Variants in CDK6 observed in about 807,000 individuals in gnomAD.
The protein encoded by CDK6 is cyclin dependent kinase 6.
CDK6 carries 6 observed loss-of-function variants against 37.1 expected under a neutral mutation model. The ratio of observed to expected loss-of-function variants is 0.16; its 90% confidence interval spans 0.09 to 0.32. The LOEUF is 0.32. Ranked by LOEUF, CDK6 falls within the 10% of genes least tolerant of loss-of-function variation. CDK6 has a pLI of 1.00. For synonymous variants in CDK6, 160 were observed against 161.3 expected (o/e 0.99, Z 0.06); for missense variants, 224 against 418.9 (o/e 0.53, Z 4.06).
rs941478042 is a variant in CDK6 at position 92,717,811 on chromosome 7, T to C, written c.537+7815A>G. Reference sequence around the variant, plus strand: ...CGCAAATCCACTTGGTGCAATTAGATAGCCACATGCATGCACATGCACCAA... The same window carrying C: ...CGCAAATCCACTTGGTGCAATTAGACAGCCACATGCATGCACATGCACCAA... On this transcript the variant is annotated intron_variant, in intron 4 of 7. Transcript: ENST00000424848. Among the ~76,000 whole-genome samples the C allele has an allele frequency of 3.9e-5, 6 of 152,324 alleles. No individual in the cohort carries two copies. In the South Asian group the frequency reaches 8.3e-4, roughly 21 times the overall value.
intron 5 of CDK6, among the ~76,000 whole-genome samples, chr7:92,642,564 C>T (rs1362738877): frequency 6.6e-6 from 1 of 152,132 alleles, no homozygotes; most frequent in Non-Finnish European, 1.5e-5. Flanking sequence ...AAAAGTGATA[C>T]ACCAAGGTAA....
At chr7:92,763,567 GAGTA>G (rs1303705655) in intron 3 of CDK6, among the ~76,000 whole-genome samples, 1 of 152,176 alleles carries the variant, frequency 6.6e-6, no homozygotes, top group Non-Finnish European at 1.5e-5. Context: ...TCCTATTAAT[GAGTA>G]AGTATTTTTC....
chr7:92,811,273 ATGT>A (rs1800876767), intron 2 of CDK6, among the ~76,000 whole-genome samples: 1 of 152,134 alleles, frequency 6.6e-6, no homozygotes, highest in African/African-American at 2.4e-5. Flanking sequence ...TACAGTTATA[ATGT>A]TGTATCTACT....
chr7:92,678,439 CA>C (rs1797257393), intron 4 of CDK6, among the ~76,000 whole-genome samples: 1 of 151,396 alleles, frequency 6.6e-6, no homozygotes, highest in South Asian at 2.1e-4. Flanking sequence ...GAGCGGAAGG[CA>C]GGGGGGAGTT....
At chr7:92,705,296 C>T (rs1408973630) in intron 4 of CDK6, among the ~76,000 whole-genome samples, 1 of 152,092 alleles carries the variant, frequency 6.6e-6, no homozygotes, top group Non-Finnish European at 1.5e-5. Context: ...AAAATAGTAA[C>T]AAAATATCCA....
At chr7:92,742,064 C>A (rs1798937068) in intron 3 of CDK6, among the ~76,000 whole-genome samples, 1 of 152,020 alleles carries the variant, frequency 6.6e-6, no homozygotes, top group Non-Finnish European at 1.5e-5. Flanking sequence ...ATTTTAGAGA[C>A]AAACAATGAT....
rs750020521 is a variant in CDK6, at chr7:92,605,085, A to C, written c.*10055T>G. 106 of 231,602 alleles carry C rather than the reference A, an allele frequency of 4.6e-4. No individual in the cohort carries two copies. Among genetic ancestry groups the C allele is most frequent in the Non-Finnish European group, 7.8e-4 (91 of 117,114 alleles). 14.3% of individuals were successfully genotyped at this position (231,602 alleles called of 1,614,324 possible). On this transcript the variant is annotated 3_prime_UTR_variant, in exon 8 of 8. Coordinates refer to ENST00000424848, the MANE Select transcript of CDK6 (RefSeq NM_001145306.2). ...TGCTACCAATATTTTTATTGTAAGA[A>C]ATACAAAAGGTATTACAAATATACA...
At chr7:92,698,739 G>C (rs1256819443) in intron 4 of CDK6, among the ~76,000 whole-genome samples, 1 of 152,132 alleles carries the variant, frequency 6.6e-6, no homozygotes. Context: ...AGTCTGTCAC[G>C]CACAATCACT....
At chr7:92,717,720 A>G (rs1425715634) in intron 4 of CDK6, among the ~76,000 whole-genome samples, 1 of 152,220 alleles carries the variant, frequency 6.6e-6, no homozygotes, top group Non-Finnish European at 1.5e-5. Context: ...TGAAGGAGCT[A>G]GAATTAGGTG....
At chr7:92,743,023 A>G (rs1798964733) in intron 3 of CDK6, among the ~76,000 whole-genome samples, 1 of 151,922 alleles carries the variant, frequency 6.6e-6, no homozygotes, top group Non-Finnish European at 1.5e-5. Flanking sequence ...GGTCCAAGTG[A>G]TAAGACCATT....
chr7:92,695,767 C>G (rs568751370), intron 4 of CDK6, among the ~76,000 whole-genome samples: 1 of 152,360 alleles, frequency 6.6e-6, no homozygotes, highest in African/African-American at 2.4e-5. Flanking sequence ...GTGGGGAAGG[C>G]AGGCTGAAAG....
At chr7:92,756,370 T>C (rs1266817466) in intron 3 of CDK6, among the ~76,000 whole-genome samples, 2 of 152,176 alleles carry the variant, frequency 1.3e-5, no homozygotes, top group Non-Finnish European at 2.9e-5. Context: ...GCATGGCATG[T>C]AGTGAAATTT....
chr7:92,672,166 T>TACACACACACACAC (rs1434883987), intron 4 of CDK6, among the ~76,000 whole-genome samples: 12 of 38,724 alleles, frequency 3.1e-4, no homozygotes, highest in Admixed American at 8.9e-4. Flanking sequence ...TATATACACA[T>TACACACACACACAC]ACACACACAC....
At chr7:92,668,592 T>G (rs895510183) in intron 5 of CDK6, among the ~76,000 whole-genome samples, 1 of 152,276 alleles carries the variant, frequency 6.6e-6, no homozygotes, top group African/African-American at 2.4e-5. Context: ...GACCCCCATC[T>G]CTACAAAAAA....
chr7:92,786,212 C>T (rs972508072), intron 2 of CDK6, among the ~76,000 whole-genome samples: 2 of 152,124 alleles, frequency 1.3e-5, no homozygotes, highest in African/African-American at 2.4e-5. Context: ...AGGCAGCCGC[C>T]TGTAATGAAG....
At chr7:92,655,402 G>A (rs1456710457) in intron 5 of CDK6, among the ~76,000 whole-genome samples, 2 of 152,194 alleles carry the variant, frequency 1.3e-5, no homozygotes, top group African/African-American at 4.8e-5. Context: ...ACATGTCTAA[G>A]TTCAGTGCTG....
intron 3 of CDK6, among the ~76,000 whole-genome samples, chr7:92,743,634 T>C (rs1408085556): frequency 6.6e-6 from 1 of 152,078 alleles, no homozygotes; most frequent in Admixed American, 6.5e-5. Flanking sequence ...CATCAGTGAA[T>C]TGAAAATTAA....
intron 2 of CDK6, among the ~76,000 whole-genome samples, chr7:92,778,937 ATATATATAT>A (rs1562962869): frequency 7.0e-5 from 10 of 143,700 alleles, no homozygotes; most frequent in South Asian, 2.2e-4. Flanking sequence ...ATATATATAT[ATATATATAT>A]AAGATATTAT....
chr7:92,680,952 C>G (rs1376064795), intron 4 of CDK6, among the ~76,000 whole-genome samples: 1 of 152,128 alleles, frequency 6.6e-6, no homozygotes, highest in African/African-American at 2.4e-5. Flanking sequence ...TGCATTATAG[C>G]TTTTCCATTT....
Sources: gnomAD v4.1 joint callset for allele counts (sites outside exome capture counted in the v4.1 genomes callset) on GRCh38, gnomAD v4.1.1 for gene constraint, MANE v1.5 for transcripts, NCBI Gene and HGNC (gene_info 2026-07-23, HGNC 2026-07-21) for gene names.